Variants in TAAR1 observed in about 807,000 individuals in gnomAD.
TAAR1 encodes trace amine-associated receptor 1.
Under a neutral mutation model 1.2 loss-of-function variants are expected in TAAR1, and 1 was observed. The observed-to-expected ratio is 0.81, with a 90% CI of 0.29 to 3.86. The LOEUF (loss-of-function observed/expected upper bound fraction) is 3.86, where lower values mean the gene tolerates loss of function less well. TAAR1 is among the 30% of genes most tolerant of loss of function. The probability of loss-of-function intolerance (pLI) is 0.18; values close to 1 mark genes in which losing one functional copy is unlikely to be tolerated. For missense variants in TAAR1, 445 were observed against 405.6 expected, an observed-to-expected ratio of 1.10 and a Z score of -0.83; for synonymous variants, 153 against 132.2, an observed-to-expected ratio of 1.16 and a Z score of -1.08.
In TAAR1 at chr6:132,647,703, A is replaced by AGAAG. The variant is rs1414594911; in HGVS notation, c.-126-1578_-126-1575dup. ...AAGAAGAAAGAAAGGAAGGAAGGAAAGAAGGAAGGAAGGAGAAAGAGCTTG... is the reference window on the plus strand; with the variant it reads ...AAGAAGAAAGAAAGGAAGGAAGGAAAGAAGGAAGGAAGGAAGGAGAAAGAGCTTG... On this transcript the variant is annotated intron_variant, in intron 1 of 1. Transcript: ENST00000275216. Among the ~76,000 whole-genome samples the AGAAG allele has an allele frequency of 2.9e-4, 44 of 151,368 alleles. 1 individual carries two copies. Among genetic ancestry groups the AGAAG allele is most frequent in the African/African-American group, 1.0e-3 (43 of 41,240 alleles).
intron 1 of TAAR1, among the ~76,000 whole-genome samples, chr6:132,653,155 A>G (rs1777766455): frequency 6.6e-6 from 1 of 152,118 alleles, no homozygotes; most frequent in African/African-American, 2.4e-5. Flanking sequence ...AAAGATCAAG[A>G]TCTTCTGCTC....
rs41286170 is a variant in TAAR1, at chr6:132,644,950, C to T, written c.*34G>A. 1,036 of 1,472,504 alleles carry T rather than the reference C, an allele frequency of 7.0e-4. 1 individual carries two copies. The highest frequency in any genetic ancestry group is 8.8e-4 in the Non-Finnish European group (975 of 1,109,888). 91.2% of individuals were successfully genotyped at this position (1,472,504 alleles called of 1,614,324 possible). ...ATGTTGTGTTCATAAATATGATCATCAACCGATTTGCAAAACAGTAAAATA... is the reference window on the plus strand; with the variant it reads ...ATGTTGTGTTCATAAATATGATCATTAACCGATTTGCAAAACAGTAAAATA... On this transcript the variant is annotated 3_prime_UTR_variant, in exon 2 of 2. Transcript: ENST00000275216.
intron 1 of TAAR1, among the ~76,000 whole-genome samples, chr6:132,656,966 A>G (rs1038223315): frequency 2.6e-5 from 4 of 152,222 alleles, no homozygotes; most frequent in African/African-American, 7.2e-5. Context: ...AAAAATTTAT[A>G]AATAGCAAGA....
At chr6:132,651,208 T>C (rs1403875253) in intron 1 of TAAR1, among the ~76,000 whole-genome samples, 4 of 152,154 alleles carry the variant, frequency 2.6e-5, no homozygotes, top group Non-Finnish European at 5.9e-5. Flanking sequence ...GCTGTTACGG[T>C]TCTTCTTCAT....
Position 132,643,861 on chromosome 6 carries a change from A to T in TAAR1, c.*1123T>A, listed in dbSNP as rs1212151128. Among the ~76,000 whole-genome samples, 4 of 151,988 alleles carry T rather than the reference A, an allele frequency of 2.6e-5. No individual in the cohort carries two copies. The highest frequency in any genetic ancestry group is 4.4e-5 in the Non-Finnish European group (3 of 67,932). On this transcript the variant is annotated 3_prime_UTR_variant, in exon 2 of 2. Transcript: ENST00000275216. Reference sequence around the variant, plus strand: ...TTTTATATATGCCATCTAAATAGCCATGGTACATCTAGTCTGATTATACTT... The same window carrying T: ...TTTTATATATGCCATCTAAATAGCCTTGGTACATCTAGTCTGATTATACTT...
chr6:132,652,006 G>A (rs1378253232), intron 1 of TAAR1, among the ~76,000 whole-genome samples: 3 of 152,154 alleles, frequency 2.0e-5, no homozygotes, highest in Admixed American at 2.0e-4. Flanking sequence ...ATGTGAGGCT[G>A]CATTCTGCCC....
At chr6:132,647,623 G>GGAAA (rs1554208955) in intron 1 of TAAR1, among the ~76,000 whole-genome samples, 11,825 of 102,454 alleles carry the variant, frequency 0.12, 759 homozygotes, top group Admixed American at 0.14. Flanking sequence ...GAAAGAAAAA[G>GGAAA]GAAAGAAAGA....
At chr6:132,658,750 T>C (rs1289061341) in intron 1 of TAAR1, among the ~76,000 whole-genome samples, 2 of 152,222 alleles carry the variant, frequency 1.3e-5, no homozygotes, top group Non-Finnish European at 2.9e-5. Flanking sequence ...CTAGCCAATG[T>C]ACACAGCATA....
In TAAR1 at chr6:132,645,331, T is replaced by G; in HGVS notation, c.673A>C (p.Ser225Arg). 1 of 1,613,546 alleles carries G rather than the reference T, an allele frequency of 6.2e-7. No individual in the cohort carries two copies. The highest frequency in any genetic ancestry group is 8.5e-7 in the Non-Finnish European group (1 of 1,179,750). ...LIAKEQARLI[S>R]DANQKLQIGL... Reference sequence around the variant, plus strand: ...ATTTGGAGCTTCTGATTGGCATCACTAATTAATCTTGCCTGTTCTTTAGCG... The same window carrying G: ...ATTTGGAGCTTCTGATTGGCATCACGAATTAATCTTGCCTGTTCTTTAGCG... The change falls in exon 2 of 2, where the codon AGT becomes CGT. Residue 225 changes from serine (S) to arginine (R), a missense_variant. Ser to Arg is a moderately radical substitution (Grantham distance 110). Coordinates refer to ENST00000275216, the MANE Select transcript of TAAR1 (RefSeq NM_138327.4).
intron 1 of TAAR1, among the ~76,000 whole-genome samples, chr6:132,650,889 G>A (rs983174802): frequency 6.6e-6 from 1 of 152,088 alleles, no homozygotes. Context: ...AATTATTGAA[G>A]CTCACATCTT....
chr6:132,653,775 C>T (rs911040071), intron 1 of TAAR1, among the ~76,000 whole-genome samples: 19 of 152,102 alleles, frequency 1.2e-4, no homozygotes, highest in Admixed American at 7.2e-4. Context: ...TCTTGGCTAA[C>T]GTTATATAAA....
intron 1 of TAAR1, among the ~76,000 whole-genome samples, chr6:132,648,609 T>C (rs1777714326): frequency 6.6e-6 from 1 of 152,206 alleles, no homozygotes; most frequent in South Asian, 2.1e-4. Flanking sequence ...ATCTGTAGAA[T>C]AATTTGTCTG....
intron 1 of TAAR1, among the ~76,000 whole-genome samples, chr6:132,656,837 T>C (rs1375751303): frequency 6.6e-6 from 1 of 152,174 alleles, no homozygotes; most frequent in Non-Finnish European, 1.5e-5. Flanking sequence ...TCAACAATCC[T>C]ATATGCAGTC....
In TAAR1 at chr6:132,646,044, T is replaced by C. The variant is rs901503899; in HGVS notation, c.-41A>G. On this transcript the variant is annotated 5_prime_UTR_variant, in exon 2 of 2. Coordinates refer to ENST00000275216, the MANE Select transcript of TAAR1 (RefSeq NM_138327.4). Reference sequence around the variant, plus strand: ...ATCAGTTTACTTTTCCCTTTGTGTGTTGATTTATCTTTTTCCCAAATCCAT... The same window carrying C: ...ATCAGTTTACTTTTCCCTTTGTGTGCTGATTTATCTTTTTCCCAAATCCAT... 6.6e-7 allele frequency: 1 copy of C among 1,522,264 alleles called. No individual in the cohort carries two copies. Among genetic ancestry groups the C allele is most frequent in the Admixed American group, 2.2e-5 (1 of 46,118 alleles). The allele number at this position is 1,522,264 out of a possible 1,614,324, so 94.3% of individuals were successfully genotyped here.
intron 1 of TAAR1, among the ~76,000 whole-genome samples, chr6:132,647,626 AAGAAAGAAAG>A (rs1562203018): frequency 1.2e-4 from 7 of 56,634 alleles, no homozygotes; most frequent in East Asian, 5.8e-4. Flanking sequence ...AGAAAAAGGA[AAGAAAGAAAG>A]AAAGAAAGAA....
At chr6:132,653,295 T>C (rs141398485) in intron 1 of TAAR1, among the ~76,000 whole-genome samples, 234 of 152,222 alleles carry the variant, frequency 1.5e-3, no homozygotes, top group African/African-American at 5.4e-3. Context: ...CAAATAGACA[T>C]GCAAAAGCAG....
intron 1 of TAAR1, among the ~76,000 whole-genome samples, chr6:132,658,877 CAT>C (rs1777838740): frequency 6.6e-6 from 1 of 152,118 alleles, no homozygotes; most frequent in East Asian, 1.9e-4. Context: ...TTTTAAAAGA[CAT>C]GTAAAGCAAG....
intron 1 of TAAR1, among the ~76,000 whole-genome samples, chr6:132,647,946 C>T (rs987673942): frequency 6.6e-6 from 1 of 152,080 alleles, no homozygotes; most frequent in African/African-American, 2.4e-5. Context: ...CCCTAATCTC[C>T]TTTGGTCTTC....
rs1777688387 is a variant in TAAR1, at chr6:132,647,469, A to T, written c.-126-1340T>A. Among the ~76,000 whole-genome samples, 6 of 150,142 alleles carry T rather than the reference A, an allele frequency of 4.0e-5. No homozygotes were observed. In the Admixed American group the frequency reaches 4.0e-4, roughly 10 times the overall value. ...GAGAGAGAGAGAAAGGAAGAAAGAAAAGAGAGAGAAAGAAAGGAAGAAGGA... is the reference window on the plus strand; with the variant it reads ...GAGAGAGAGAGAAAGGAAGAAAGAATAGAGAGAGAAAGAAAGGAAGAAGGA... On this transcript the variant is annotated intron_variant, in intron 1 of 1. Transcript: ENST00000275216.
Sources: allele counts gnomAD v4.1 joint callset (sites outside exome capture counted in the v4.1 genomes callset), GRCh38; gene constraint gnomAD v4.1.1; transcripts MANE v1.5; gene names NCBI Gene and HGNC (gene_info 2026-07-23, HGNC 2026-07-21).